The following TRAPPC8 variants were observed in gnomAD, a reference collection of about 807,000 sequenced individuals.
TRAPPC8 encodes general sporulation gene 1 homolog.
In TRAPPC8, 54 loss-of-function variants were observed where a neutral mutation model predicts 174.3. The ratio of observed to expected loss-of-function variants is 0.31; its 90% CI spans 0.25 to 0.39. The LOEUF (loss-of-function observed/expected upper bound fraction) is 0.39. TRAPPC8 is among the 10% of genes least tolerant of loss of function. The pLI, the probability that TRAPPC8 is intolerant of heterozygous loss-of-function variation, is 1.00. For synonymous variants in TRAPPC8, 630 were observed against 579.9 expected (o/e 1.09, Z -1.24); for missense variants, 1,531 against 1,699.1 (o/e 0.90, Z 1.74).
At position 31,844,529 on chromosome 18, in the gene TRAPPC8, T is replaced by C. The variant is rs557507260; in HGVS notation, c.3837+2187A>G. ...AGTTCAAAAATGTATTATTAATATA[T>C]TCAAGTCACCAAAAAAATACAAGCT... On this transcript the variant is annotated intron_variant, in intron 26 of 28. Coordinates refer to ENST00000283351, the MANE Select transcript of TRAPPC8 (RefSeq NM_014939.5). The C allele has an allele frequency of 2.0e-5, 3 of 152,184 alleles. No individual in the cohort carries two copies. The South Asian group carries it at 6.2e-4, about 32-fold the overall frequency. 9.4% of individuals were successfully genotyped at this position (152,184 alleles called of 1,614,324 possible). A position where few individuals can be genotyped will look rare whatever the true frequency, so the allele number is the denominator to read the frequency against.
intron 9 of TRAPPC8, among the ~76,000 whole-genome samples, chr18:31,903,086 G>C (rs2036509682): frequency 6.9e-6 from 1 of 144,794 alleles, no homozygotes; most frequent in Non-Finnish European, 1.5e-5. Context: ...CTCCTCTCCA[G>C]TGTCCTGCTT....
intron 4 of TRAPPC8, 74 bp downstream of exon 4, chr18:31,916,198 C>T (rs1367259653): frequency 1.5e-5 from 17 of 1,120,734 alleles, no homozygotes; most frequent in African/African-American, 1.1e-4. Flanking sequence ...AAATCCAAAA[C>T]GTAAACAAGC....
chr18:31,903,320 A>C (rs1295775149), intron 9 of TRAPPC8, among the ~76,000 whole-genome samples: 1 of 152,244 alleles, frequency 6.6e-6, no homozygotes, highest in Admixed American at 6.5e-5. Flanking sequence ...TATAAGTAAT[A>C]CATTTATATA....
rs2038409195 is a variant in TRAPPC8, at chr18:31,942,811, C to T, written c.-47G>A. 1.5e-6 allele frequency: 2 copies of T among 1,304,486 alleles called. No individual in the cohort carries two copies. The highest frequency in any genetic ancestry group is 4.0e-5 in the Admixed American group (1 of 25,200). 80.8% of individuals were successfully genotyped at this position (1,304,486 alleles called of 1,614,324 possible). The stretch of plus-strand genomic sequence containing the variant: ...GGCGCCCGCCCTCCGGCCCACCCTG[C>T]GAGGTTATCCTGCGGCTGCAGCAGC... On this transcript the variant is annotated 5_prime_UTR_variant, in exon 1 of 29. Coordinates refer to ENST00000283351, the MANE Select transcript of TRAPPC8 (RefSeq NM_014939.5).
chr18:31,889,230 C>T (rs568397076), intron 12 of TRAPPC8, among the ~76,000 whole-genome samples: 17 of 152,224 alleles, frequency 1.1e-4, no homozygotes, highest in African/African-American at 3.1e-4. Context: ...GAGGTGATTA[C>T]GAAGCCAGAT....
At chr18:31,906,119 A>C (rs72930252) in intron 9 of TRAPPC8, among the ~76,000 whole-genome samples, 1 of 151,762 alleles carries the variant, frequency 6.6e-6, no homozygotes, top group Non-Finnish European at 1.5e-5. Context: ...GCCTGAGGTC[A>C]GGAATTCGAG....
Position 31,873,368 on chromosome 18 carries a change from A to C in TRAPPC8, c.2062+62T>G, listed in dbSNP as rs547865809. On this transcript the variant is annotated intron_variant, in intron 14 of 28. Coordinates refer to ENST00000283351, the MANE Select transcript of TRAPPC8 (RefSeq NM_014939.5). ...CTATACATCGTTTTTTAAATGGAGAAAGGAAAAGAAGTTTTTTTTAAATTG... is the reference window on the plus strand; with the variant it reads ...CTATACATCGTTTTTTAAATGGAGACAGGAAAAGAAGTTTTTTTTAAATTG... 323 of 1,346,690 alleles carry C rather than the reference A, an allele frequency of 2.4e-4. 5 individuals are homozygous for C. In the South Asian group the frequency reaches 3.8e-3, roughly 16 times the overall value. The allele number at this position is 1,346,690 out of a possible 1,614,324, so 83.4% of individuals were successfully genotyped here.
At chr18:31,897,602 A>C (rs1467290832) in intron 11 of TRAPPC8, among the ~76,000 whole-genome samples, 184 bp downstream of exon 11, 1 of 152,202 alleles carries the variant, frequency 6.6e-6, no homozygotes, top group African/African-American at 2.4e-5. Flanking sequence ...AATAAACTTA[A>C]TTTATAAAAA....
At chr18:31,843,606 T>A (rs12605636) in intron 26 of TRAPPC8, among the ~76,000 whole-genome samples, 34,823 of 152,096 alleles carry the variant, frequency 0.23, 4,829 homozygotes, top group South Asian at 0.52. Flanking sequence ...CTGGTTAAAA[T>A]ATTTTTGGTT....
intron 27 of TRAPPC8, among the ~76,000 whole-genome samples, chr18:31,836,836 A>G (rs1388593375): frequency 1.4e-5 from 2 of 140,142 alleles, no homozygotes; most frequent in Non-Finnish European, 3.0e-5. Flanking sequence ...ATCTCGGCTC[A>G]CTGCAAGCTC....
At chr18:31,858,056 CA>C in intron 19 of TRAPPC8, 74 bp from the exon 20 acceptor site, 5 of 1,203,660 alleles carry the variant, frequency 4.2e-6, no homozygotes, top group Admixed American at 5.0e-5. Flanking sequence ...CACTTTAAGA[CA>C]CTTTTTTTTT....
chr18:31,849,511 TTAAGACTCGAGTATCTA>T (rs2033593638), intron 25 of TRAPPC8, 38 bp downstream of exon 25: 1 of 1,417,662 alleles, frequency 7.1e-7, no homozygotes, highest in Admixed American at 2.5e-5. Context: ...TGTGCTTAGC[TTAAGACTCGAGTATCTA>T]TAAGTGAGGC....
At chr18:31,869,931 A>C (rs2034765667) in intron 16 of TRAPPC8, 1 of 152,330 alleles carries the variant, frequency 6.6e-6, no homozygotes, top group Non-Finnish European at 1.5e-5. Flanking sequence ...ATCCCTACTA[A>C]AAATACAAAA....
chr18:31,870,984 T>G lies in TRAPPC8; in HGVS notation c.2199A>C (p.Thr733=). 6.2e-7 allele frequency: 1 copy of G among 1,611,198 alleles called. No homozygotes were observed. Among genetic ancestry groups the G allele is most frequent in the Non-Finnish European group, 8.5e-7 (1 of 1,178,246 alleles). The change falls in exon 15 of 29, where the codon ACA becomes ACC. Residue 733 remains threonine, a synonymous_variant. Coordinates refer to ENST00000283351, the MANE Select transcript of TRAPPC8 (RefSeq NM_014939.5). ...CTGAGTAACTGTTCAAACAGTATTGTGTGGGATGAAAATTGGATGGAATTA... is the reference window on the plus strand; with the variant it reads ...CTGAGTAACTGTTCAAACAGTATTGGGTGGGATGAAAATTGGATGGAATTA... ...KGVIPSNFHP[T]QYCLNSYSDN... is the part of the protein sequence containing the mutation.
intron 1 of TRAPPC8, among the ~76,000 whole-genome samples, chr18:31,933,020 A>AAAAG (rs1568153937): frequency 3.9e-5 from 5 of 128,944 alleles, no homozygotes; most frequent in African/African-American, 1.5e-4. Flanking sequence ...AAAAAAAAAA[A>AAAAG]GCCGGGCGCA....
intron 27 of TRAPPC8, 33 bp from the exon 28 acceptor site, chr18:31,832,206 ATT>A: frequency 1.5e-6 from 2 of 1,374,578 alleles, no homozygotes; most frequent in Non-Finnish European, 1.9e-6. Context: ...AAAGTTATAT[ATT>A]TTTTTCTTCT....
In TRAPPC8 at chr18:31,863,001, G is replaced by A. The variant is rs149960831; in HGVS notation, c.2745+1626C>T. Among the ~76,000 whole-genome samples the A allele has an allele frequency of 7.2e-3, 1,060 of 146,428 alleles. 15 individuals are homozygous for A. The highest frequency in any genetic ancestry group is 0.026 in the African/African-American group (1,017 of 39,704). On this transcript the variant is annotated intron_variant, in intron 19 of 28. Transcript: ENST00000283351. ...TGGGAGACGGAGGTTGCAGTGAGCC[G>A]AGATCCTGCCACTGCACTTCAGCCT...
At chr18:31,867,597 T>TA (rs927462279) in intron 16 of TRAPPC8, 121 bp from the exon 17 acceptor site, 3 of 641,692 alleles carry the variant, frequency 4.7e-6, no homozygotes, top group Non-Finnish European at 2.6e-6. Flanking sequence ...ACTTGGTTTT[T>TA]ACCACATGCT....
Position 31,867,483 on chromosome 18 carries a change from A to C in TRAPPC8, c.2389-7T>G, listed in dbSNP as rs779792044. The C allele has an allele frequency of 6.3e-5, 99 of 1,573,028 alleles. No individual in the cohort carries two copies. In the Middle Eastern group the frequency reaches 6.9e-3, roughly 109 times the overall value. On this transcript the variant is annotated splice_polypyrimidine_tract_variant and splice_region_variant and intron_variant, in intron 16 of 28. Transcript: ENST00000283351. ...TTTCAGGTTCACTTGTAACCTAAAAAATAAATTTCATAAATTATACATTCC... is the reference window on the plus strand; with the variant it reads ...TTTCAGGTTCACTTGTAACCTAAAACATAAATTTCATAAATTATACATTCC...
Sources: gnomAD v4.1 joint callset for allele counts (sites outside exome capture counted in the v4.1 genomes callset) on GRCh38, gnomAD v4.1.1 for gene constraint, MANE v1.5 for transcripts, NCBI Gene and HGNC (gene_info 2026-07-23, HGNC 2026-07-21) for gene names.